Variants in KCNH1 observed in about 807,000 individuals in gnomAD.
KCNH1 encodes the protein voltage-gated delayed rectifier potassium channel KCNH1.
Under a neutral mutation model 69.2 loss-of-function variants are expected in KCNH1, and 27 were observed. The observed-to-expected ratio is 0.39, with a 90% CI of 0.29 to 0.54. KCNH1 has a LOEUF of 0.54. Ranked by LOEUF, KCNH1 falls within the 20% of genes least tolerant of loss-of-function variation. The pLI is 0.68. For synonymous variants in KCNH1, 456 were observed against 487.7 expected, an observed-to-expected ratio of 0.93 and a Z score of 0.86; for missense variants, 798 against 1,261.6, an observed-to-expected ratio of 0.63 and a Z score of 5.57.
intron 6 of KCNH1, among the ~76,000 whole-genome samples, chr1:210,996,397 G>C (rs191675706): frequency 0.012 from 1,770 of 152,342 alleles, 39 homozygotes; most frequent in African/African-American, 0.04. Flanking sequence ...TAGCACAGCA[G>C]TCTGAGATCA....
chr1:211,127,906 T>C (rs954383795), intron 1 of KCNH1, among the ~76,000 whole-genome samples: 59 of 152,160 alleles, frequency 3.9e-4, no homozygotes, highest in Admixed American at 3.9e-3. Flanking sequence ...TGTAGCAGCA[T>C]TAATAGCACA....
At chr1:210,894,169 G>A (rs1456201676) in intron 7 of KCNH1, among the ~76,000 whole-genome samples, 1 of 152,062 alleles carries the variant, frequency 6.6e-6, no homozygotes, top group African/African-American at 2.4e-5. Flanking sequence ...TTGGGGTACT[G>A]GATATTTTTG....
In KCNH1 at chr1:210,795,962, A is replaced by C. The variant is rs867639645; in HGVS notation, c.1915+1546T>G. On this transcript the variant is annotated intron_variant, in intron 9 of 10. Transcript: ENST00000271751. The stretch of plus-strand genomic sequence containing the variant: ...ATGGTGAAACCCCATCTCTACTAAA[A>C]ACACACACACACACACACACACACA... Among the ~76,000 whole-genome samples the C allele has an allele frequency of 4.9e-3, 673 of 136,020 alleles. 9 individuals carry two copies. The highest frequency in any genetic ancestry group is 0.018 in the South Asian group (70 of 3,900). 89.2% of individuals were successfully genotyped at this position (136,020 alleles called of 152,430 possible). A position where few individuals can be genotyped will look rare whatever the true frequency, so the allele number is the denominator to read the frequency against.
intron 8 of KCNH1, among the ~76,000 whole-genome samples, chr1:210,798,653 T>G (rs756574685): frequency 1.6e-4 from 24 of 152,192 alleles, no homozygotes; most frequent in Admixed American, 5.9e-4. Context: ...TAGAGAGTGC[T>G]GACTATAGGG....
chr1:210,861,206 A>G, intron 7 of KCNH1: 1 of 967,454 alleles, frequency 1.0e-6, no homozygotes, highest in East Asian at 2.4e-5. Flanking sequence ...TGTATAACAC[A>G]TCAATGGAAA....
chr1:211,071,136 GTACTGTATTTA>G (rs1690635469), intron 5 of KCNH1, among the ~76,000 whole-genome samples: 1 of 152,156 alleles, frequency 6.6e-6, no homozygotes. Context: ...TCACAGTAAT[GTACTGTATTTA>G]TCAATACCAT....
intron 1 of KCNH1, among the ~76,000 whole-genome samples, chr1:211,116,571 C>T (rs115711900): frequency 6.6e-6 from 1 of 152,234 alleles, no homozygotes; most frequent in Non-Finnish European, 1.5e-5. Context: ...TTCTTTTGTC[C>T]CCCTTTTCAT....
chr1:211,021,575 T>TACACACAC (rs34414913), intron 5 of KCNH1, among the ~76,000 whole-genome samples: 60 of 149,688 alleles, frequency 4.0e-4, no homozygotes, highest in African/African-American at 1.3e-3. Context: ...AAACATAGAC[T>TACACACAC]ACACACACAC....
intron 7 of KCNH1, among the ~76,000 whole-genome samples, chr1:210,862,986 G>A (rs886621055): frequency 2.0e-5 from 3 of 152,228 alleles, no homozygotes; most frequent in Admixed American, 6.5e-5. Context: ...ATTCTAGAAG[G>A]TAAGAGAAGG....
chr1:210,806,855 A>ATATATATATATATATATATATATAT (rs1553346606), intron 7 of KCNH1, among the ~76,000 whole-genome samples: 1 of 127,364 alleles, frequency 7.9e-6, no homozygotes, highest in Non-Finnish European at 1.6e-5. Flanking sequence ...ATATATATAT[A>ATATATATATATATATATATATATAT]AATTTGCCGG....
At chr1:210,832,998 C>G (rs1307465079) in intron 7 of KCNH1, among the ~76,000 whole-genome samples, 1 of 149,496 alleles carries the variant, frequency 6.7e-6, no homozygotes, top group Non-Finnish European at 1.5e-5. Context: ...CTTCAAAGAG[C>G]CAGCAGATCC....
At chr1:210,687,884 G>T (rs886691293) in intron 10 of KCNH1, among the ~76,000 whole-genome samples, 1 of 152,146 alleles carries the variant, frequency 6.6e-6, no homozygotes, top group Non-Finnish European at 1.5e-5. Flanking sequence ...CATGGCAAGA[G>T]TGTATCCTGG....
At chr1:211,066,178 G>A (rs975364465) in intron 5 of KCNH1, among the ~76,000 whole-genome samples, 7 of 152,104 alleles carry the variant, frequency 4.6e-5, no homozygotes, top group East Asian at 1.9e-4. Context: ...CTTTATATAC[G>A]TCTTTAGTTT....
chr1:211,088,741 T>C (rs1260638877), intron 4 of KCNH1, among the ~76,000 whole-genome samples: 1 of 152,194 alleles, frequency 6.6e-6, no homozygotes, highest in African/African-American at 2.4e-5. Context: ...TTACTCCTAT[T>C]TATTTCACCG....
Position 211,002,564 on chromosome 1 carries a change from A to G in KCNH1, c.1032+16219T>C, listed in dbSNP as rs559667801. Among the ~76,000 whole-genome samples, 6 of 152,218 alleles carry G rather than the reference A, an allele frequency of 3.9e-5. No individual in the cohort carries two copies. In the South Asian group the frequency reaches 1.2e-3, roughly 32 times the overall value. Reference sequence around the variant, plus strand: ...TATTGAATGTAGACATTAAATAATTATCCTTAACATACTTTATGAGATAAA... The same window carrying G: ...TATTGAATGTAGACATTAAATAATTGTCCTTAACATACTTTATGAGATAAA... On this transcript the variant is annotated intron_variant, in intron 6 of 10. Coordinates refer to ENST00000271751, the MANE Select transcript of KCNH1 (RefSeq NM_172362.3).
At chr1:211,019,671 C>T (rs1689553703) in intron 5 of KCNH1, among the ~76,000 whole-genome samples, 1 of 152,116 alleles carries the variant, frequency 6.6e-6, no homozygotes. Context: ...ATATTAATTG[C>T]TCTGATTTCA....
chr1:211,124,646 C>G (rs758892420), intron 1 of KCNH1, among the ~76,000 whole-genome samples: 1 of 152,132 alleles, frequency 6.6e-6, no homozygotes, highest in Non-Finnish European at 1.5e-5. Context: ...GAGAGAGAGA[C>G]CACTTTATCC....
chr1:210,722,139 C>T (rs1682483862), intron 10 of KCNH1, among the ~76,000 whole-genome samples: 2 of 152,196 alleles, frequency 1.3e-5, no homozygotes, highest in African/African-American at 4.8e-5. Context: ...AAAAGAAAAT[C>T]TGCTCTAACG....
At chr1:211,015,804 A>G (rs1689481533) in intron 6 of KCNH1, among the ~76,000 whole-genome samples, 2 of 152,196 alleles carry the variant, frequency 1.3e-5, no homozygotes, top group South Asian at 4.1e-4. Context: ...TACCAAGAGA[A>G]CTAAAAGCCA....
Sources: gnomAD v4.1 joint callset for allele counts (sites outside exome capture counted in the v4.1 genomes callset) on GRCh38, gnomAD v4.1.1 for gene constraint, MANE v1.5 for transcripts, NCBI Gene and HGNC (gene_info 2026-07-23, HGNC 2026-07-21) for gene names.